TCF20: variants seen among roughly 807,000 people sequenced by gnomAD.
The protein encoded by TCF20 is SPRE-binding protein.
In TCF20, 3 loss-of-function variants were observed where a neutral mutation model predicts 148.6. The ratio of observed to expected loss-of-function variants is 0.02; its 90% CI spans 0.01 to 0.05. TCF20 has a LOEUF of 0.05. Among genes scored for constraint, TCF20 ranks in the 10% least tolerant of loss-of-function variants. TCF20 has a pLI of 1.00. For missense variants in TCF20, 2,350 were observed against 2,429.3 expected (o/e 0.97, Z 0.69); for synonymous variants, 1,049 against 909.5 (o/e 1.15, Z -2.76).
chr22:42,212,502 T>G lies in TCF20; in HGVS notation c.2804A>C (p.Gln935Pro), dbSNP rs772199592. The change falls in exon 2 of 6, where the codon CAG becomes CCG. Residue 935 changes from glutamine to proline, a missense_variant. Physicochemically the swap from Gln to Pro is moderately conservative, Grantham distance 76 (BLOSUM62 -1). This residue lies in a region of TCF20 where 1,641 missense variants were observed against 1,662.6 expected (regional missense o/e 0.99). Coordinates refer to ENST00000677622, the MANE Select transcript of TCF20 (RefSeq NM_001378418.1). ...GTTGAAACTAGCTTGAGATTTAGAC[T>G]GTTCAAAGTCTTCCTCTTTTATCTG... is the stretch of plus-strand genomic sequence containing the variant. ...SGQIKEEDFE[Q>P]SKSQASFNNK... 5 of 1,614,226 alleles carry G rather than the reference T, an allele frequency of 3.1e-6. No individual in the cohort carries two copies. The highest frequency in any genetic ancestry group is 1.7e-5 in the Admixed American group (1 of 60,032).
intron 1 of TCF20, among the ~76,000 whole-genome samples, chr22:42,222,125 G>A (rs934324663): frequency 4.6e-5 from 7 of 152,188 alleles, no homozygotes; most frequent in Non-Finnish European, 7.3e-5. Context: ...ACTCTGGACA[G>A]TGTCACTTGT....
intron 1 of TCF20, among the ~76,000 whole-genome samples, chr22:42,226,390 C>T (rs992761061): frequency 6.6e-6 from 1 of 152,290 alleles, no homozygotes; most frequent in African/African-American, 2.4e-5. Context: ...AAGGATGTTC[C>T]ATTTTATAAT....
intron 1 of TCF20, among the ~76,000 whole-genome samples, chr22:42,318,354 G>A (rs1417510933): frequency 6.6e-6 from 1 of 152,096 alleles, no homozygotes; most frequent in African/African-American, 2.4e-5. Flanking sequence ...AAAAGACTAG[G>A]GCGTACAGGG....
In TCF20 at chr22:42,230,238, G is replaced by A. The variant is rs190989784; in HGVS notation, c.-36-14897C>T. 2.4e-3 allele frequency among the ~76,000 whole-genome samples: 366 copies of A among 152,256 alleles called. 3 individuals are homozygous for A. The highest frequency in any genetic ancestry group is 6.7e-3 in the African/African-American group (280 of 41,528). ...CAACAATGACCACGTACACAATGGT[G>A]GTCCCATCAGAGTACAATGGAGCTG... On this transcript the variant is annotated intron_variant, in intron 1 of 5. Coordinates refer to ENST00000677622, the MANE Select transcript of TCF20 (RefSeq NM_001378418.1).
At chr22:42,263,600 G>C (rs1367085957) in intron 1 of TCF20, among the ~76,000 whole-genome samples, 1 of 152,162 alleles carries the variant, frequency 6.6e-6, no homozygotes, top group East Asian at 1.9e-4. Context: ...GGCCAAGGAA[G>C]TTTCTCCATG....
At position 42,226,144 on chromosome 22, in the gene TCF20, ACC is replaced by A. The variant is rs1212454552; in HGVS notation, c.-36-10805_-36-10804del. Among the ~76,000 whole-genome samples the A allele has an allele frequency of 2.0e-5, 3 of 152,138 alleles. No homozygotes were observed. In the East Asian group the frequency reaches 5.8e-4, roughly 29 times the overall value. On this transcript the variant is annotated intron_variant, in intron 1 of 5. Transcript: ENST00000677622. ...GGGCATCCCAAGATCACTTCAGATG[ACC>A]ACATATGTGAGCAGGATGGCCAAAC...
At chr22:42,194,610 G>C (rs539051430) in intron 2 of TCF20, among the ~76,000 whole-genome samples, 8 of 151,840 alleles carry the variant, frequency 5.3e-5, no homozygotes, top group Non-Finnish European at 1.2e-4. Flanking sequence ...GGTGGGGGCG[G>C]GGGTAGCGGT....
intron 1 of TCF20, among the ~76,000 whole-genome samples, chr22:42,243,765 C>T (rs1390337666): frequency 6.6e-6 from 1 of 152,182 alleles, no homozygotes; most frequent in Non-Finnish European, 1.5e-5. Flanking sequence ...TCTCTTATTG[C>T]TCATTTTTTC....
At chr22:42,197,357 G>C (rs185161412) in intron 2 of TCF20, among the ~76,000 whole-genome samples, 26 of 139,902 alleles carry the variant, frequency 1.9e-4, no homozygotes, top group African/African-American at 6.5e-4. Context: ...GAGTCTCGCT[G>C]TGTCGCCCAG....
At chr22:42,173,242 T>TA (rs1936238671) in intron 3 of TCF20, among the ~76,000 whole-genome samples, 1 of 96,372 alleles carries the variant, frequency 1.0e-5, no homozygotes. Flanking sequence ...AATACATTAA[T>TA]TAAAAAAAAA....
chr22:42,168,679 T>C lies in TCF20; in HGVS notation c.5857A>G (p.Ser1953Gly). ...CACCCCCGCTCCGACTGCTCTGTGC[T>C]GAGGCTGCCTTTCGCGGTCTTGTTC... ...LQNKTAKGSLSTEQSERG is the reference protein window; with the variant it reads ...LQNKTAKGSLGTEQSERG Residue 1953 changes from serine to glycine, a missense_variant, in exon 5 of 6, where the codon AGC (serine) becomes GGC (glycine). This residue lies in a region of TCF20 where 67 missense variants were observed against 60.8 expected (regional missense o/e 1.10). Transcript: ENST00000677622. The C allele has an allele frequency of 6.2e-7, 1 of 1,610,234 alleles. No homozygotes were observed. The highest frequency in any genetic ancestry group is 8.5e-7 in the Non-Finnish European group (1 of 1,178,538).
chr22:42,277,857 T>G (rs1265553400), intron 1 of TCF20, among the ~76,000 whole-genome samples: 1 of 152,208 alleles, frequency 6.6e-6, no homozygotes, highest in Non-Finnish European at 1.5e-5. Flanking sequence ...TCCATATCCC[T>G]CTTCCTAGGC....
At chr22:42,301,490 G>A (rs2147033992) in intron 1 of TCF20, among the ~76,000 whole-genome samples, 1 of 152,352 alleles carries the variant, frequency 6.6e-6, no homozygotes, top group East Asian at 1.9e-4. Flanking sequence ...GTGAGGACAG[G>A]AGGGGACACT....
intron 2 of TCF20, among the ~76,000 whole-genome samples, chr22:42,186,486 T>C (rs1052319673): frequency 3.3e-5 from 5 of 152,174 alleles, no homozygotes; most frequent in African/African-American, 1.2e-4. Flanking sequence ...CAAAATCAGA[T>C]ATAATACAAA....
In TCF20 at chr22:42,324,515, T is replaced by A. The variant is rs190329456; in HGVS notation, c.-37+18964A>T. Among the ~76,000 whole-genome samples the A allele has an allele frequency of 1.9e-3, 281 of 148,718 alleles. 1 individual carries two copies. The highest frequency in any genetic ancestry group is 6.7e-3 in the African/African-American group (267 of 40,056). ...TGAGAAAATAATCTCCACCATCCGATAAAATAATCTCCACCAACCGAGAAA... is the reference window on the plus strand; with the variant it reads ...TGAGAAAATAATCTCCACCATCCGAAAAAATAATCTCCACCAACCGAGAAA... On this transcript the variant is annotated intron_variant, in intron 1 of 1. Coordinates refer to the TCF20 transcript ENST00000515426.
intron 1 of TCF20, among the ~76,000 whole-genome samples, chr22:42,330,510 C>T (rs1408293337): frequency 1.3e-5 from 2 of 152,202 alleles, no homozygotes; most frequent in Non-Finnish European, 2.9e-5. Flanking sequence ...TTTCTATCCC[C>T]TAGATGAGGT....
chr22:42,178,652 G>A (rs186536482), intron 3 of TCF20, among the ~76,000 whole-genome samples: 68 of 137,760 alleles, frequency 4.9e-4, no homozygotes, highest in Middle Eastern at 4.0e-3. Context: ...GTGCAGTGGC[G>A]TGATCTCGCA....
chr22:42,227,510 T>A (rs556147626), intron 1 of TCF20, among the ~76,000 whole-genome samples: 39 of 152,288 alleles, frequency 2.6e-4, no homozygotes, highest in Middle Eastern at 3.4e-3. Flanking sequence ...ATAACCAGCA[T>A]ACAAGCCTCC....
intron 1 of TCF20, among the ~76,000 whole-genome samples, chr22:42,258,908 C>T (rs1312449788): frequency 6.6e-6 from 1 of 152,158 alleles, no homozygotes; most frequent in Non-Finnish European, 1.5e-5. Context: ...CAGATTCTCC[C>T]TGCATCTGTA....
Sources: gnomAD v4.1 joint callset for allele counts (sites outside exome capture counted in the v4.1 genomes callset) on GRCh38, gnomAD v4.1.1 for gene constraint, gnomAD v4.1.1 regional missense constraint, MANE v1.5 for transcripts, NCBI Gene and HGNC (gene_info 2026-07-23, HGNC 2026-07-21) for gene names.